Variants in SNX27 observed in about 807,000 individuals in gnomAD.
SNX27 encodes sorting nexin-27.
SNX27 carries 22 observed loss-of-function variants against 71.6 expected under a neutral mutation model. The ratio of observed to expected loss-of-function variants is 0.31; its 90% CI spans 0.22 to 0.44. SNX27 has a LOEUF of 0.44. Among genes scored for constraint, SNX27 ranks in the 20% least tolerant of loss-of-function variants. The pLI, the probability that SNX27 is intolerant of heterozygous loss-of-function variation, is 1.00. For missense variants in SNX27, 531 were observed against 698.6 expected, an observed-to-expected ratio of 0.76 and a Z score of 2.70; for synonymous variants, 269 against 277.2, an observed-to-expected ratio of 0.97 and a Z score of 0.29.
At chr1:151,666,690 G>A (rs1246289633) in intron 6 of SNX27, 1 of 152,160 alleles carries the variant, frequency 6.6e-6, no homozygotes, top group Non-Finnish European at 1.5e-5. Context: ...TGGTTGATTA[G>A]ACCTTCCTTA....
chr1:151,618,648 TCTTATGAC>T (rs1667537776), intron 1 of SNX27, among the ~76,000 whole-genome samples: 1 of 152,218 alleles, frequency 6.6e-6, no homozygotes. Flanking sequence ...TGGGAATAAT[TCTTATGAC>T]CTTGTAGATA....
chr1:151,691,053 T>C (rs1671418834), intron 8 of SNX27, among the ~76,000 whole-genome samples: 1 of 152,186 alleles, frequency 6.6e-6, no homozygotes. Context: ...GTCAGAGATT[T>C]ATTTTGTTTA....
At chr1:151,662,057 G>T in intron 4 of SNX27, 109 bp from the exon 5 acceptor site, 1 of 649,460 alleles carries the variant, frequency 1.5e-6, no homozygotes, top group South Asian at 2.0e-5. Flanking sequence ...GTTTTCATTG[G>T]AACTCACTTC....
chr1:151,641,699 TATATGATATATATAGC>T (rs1174975316), intron 2 of SNX27, among the ~76,000 whole-genome samples: 2 of 140,892 alleles, frequency 1.4e-5, no homozygotes, highest in Non-Finnish European at 3.0e-5. Flanking sequence ...ATATATCATA[TATATGATATATATAGC>T]ATATGATATA....
chr1:151,644,724 T>C (rs538276121), intron 2 of SNX27, among the ~76,000 whole-genome samples: 1 of 152,264 alleles, frequency 6.6e-6, no homozygotes, highest in African/African-American at 2.4e-5. Context: ...TGTACCATAG[T>C]TTTTACTCTT....
intron 8 of SNX27, among the ~76,000 whole-genome samples, chr1:151,687,259 T>C (rs1231920608): frequency 1.3e-5 from 2 of 152,180 alleles, no homozygotes; most frequent in Admixed American, 6.5e-5. Flanking sequence ...CTCTACATAA[T>C]TTGTATTGAT....
intron 8 of SNX27, among the ~76,000 whole-genome samples, chr1:151,691,174 T>A (rs1671423175): frequency 6.6e-6 from 1 of 152,056 alleles, no homozygotes; most frequent in Non-Finnish European, 1.5e-5. Context: ...TCCCAGCTAC[T>A]CAGGAGGCTG....
rs1381877965 is a variant in SNX27 at position 151,695,342 on chromosome 1, C to G, written c.*925C>G. The G allele has an allele frequency of 6.7e-6, 1 of 149,730 alleles. No homozygotes were observed. The highest frequency in any genetic ancestry group is 2.5e-5 in the African/African-American group (1 of 40,448). 9.3% of individuals were successfully genotyped at this position (149,730 alleles called of 1,614,324 possible). ...TGCTTTCCCTCAACCGACCCTGGCT[C>G]AGGAGGTTGATGCCATGGGAACCTG... On this transcript the variant is annotated 3_prime_UTR_variant, in exon 12 of 12. Coordinates refer to ENST00000458013, the MANE Select transcript of SNX27 (RefSeq NM_001330723.2).
At chr1:151,693,390 A>G in intron 10 of SNX27, 34 bp from the exon 11 acceptor site, 3 of 1,607,498 alleles carry the variant, frequency 1.9e-6, no homozygotes, top group Non-Finnish European at 2.6e-6. Flanking sequence ...CCTGCTCTTG[A>G]GAAGTTAGTG....
intron 1 of SNX27, among the ~76,000 whole-genome samples, chr1:151,625,906 C>A (rs1415108544): frequency 1.3e-5 from 2 of 151,860 alleles, no homozygotes; most frequent in African/African-American, 4.8e-5. Context: ...CGAGATCAGG[C>A]CACTGCATTC....
intron 1 of SNX27, among the ~76,000 whole-genome samples, chr1:151,623,718 T>G (rs566184367): frequency 3.9e-5 from 6 of 152,198 alleles, no homozygotes; most frequent in South Asian, 2.1e-4. Context: ...TTTCTAACAT[T>G]TATTGTCCTC....
At chr1:151,688,051 T>A (rs1362636100) in intron 8 of SNX27, among the ~76,000 whole-genome samples, 2 of 152,054 alleles carry the variant, frequency 1.3e-5, no homozygotes, top group Non-Finnish European at 2.9e-5. Context: ...GTACTATACC[T>A]GTCCAATTCT....
At position 151,612,650 on chromosome 1, in the gene SNX27, C is replaced by T. The variant is rs1036736185; in HGVS notation, c.311+138C>T. 19 of 648,850 alleles carry T rather than the reference C, an allele frequency of 2.9e-5. No homozygotes were observed. Among genetic ancestry groups the T allele is most frequent in the Non-Finnish European group, 3.8e-5 (17 of 444,542 alleles). 40.2% of individuals were successfully genotyped at this position (648,850 alleles called of 1,614,324 possible). ...TCCGGACCCCCGCCCCTCAGGCCTCCGCAGCCGGGCCCCTCCTTGTGGGCT... is the reference window on the plus strand; with the variant it reads ...TCCGGACCCCCGCCCCTCAGGCCTCTGCAGCCGGGCCCCTCCTTGTGGGCT... On this transcript the variant is annotated intron_variant, in intron 1 of 11. Transcript: ENST00000458013. The surrounding 1 kb of genome is among the most constrained non-coding windows in gnomAD (Gnocchi z 5.2).
At chr1:151,651,359 G>A (rs1481550695) in intron 2 of SNX27, among the ~76,000 whole-genome samples, 2 of 151,472 alleles carry the variant, frequency 1.3e-5, no homozygotes, top group African/African-American at 2.4e-5. Flanking sequence ...CCCGGATGGG[G>A]CGGCTGGCCT....
intron 4 of SNX27, among the ~76,000 whole-genome samples, chr1:151,661,954 A>G (rs548131265): frequency 5.9e-5 from 9 of 152,182 alleles, no homozygotes; most frequent in Non-Finnish European, 1.2e-4. Context: ...TGGCTTCAAC[A>G]TGTTTCTTTC....
At chr1:151,627,976 C>T (rs1571771417) in intron 1 of SNX27, among the ~76,000 whole-genome samples, 1 of 148,222 alleles carries the variant, frequency 6.7e-6, no homozygotes, top group East Asian at 2.0e-4. Flanking sequence ...GCAACATGGA[C>T]TTAAGGTTCC....
chr1:151,680,735 G>A (rs1159822039), intron 7 of SNX27, among the ~76,000 whole-genome samples: 49 of 152,182 alleles, frequency 3.2e-4, no homozygotes, highest in Non-Finnish European at 8.8e-5. Context: ...AAATAACACT[G>A]TAAGTTTCTT....
intron 1 of SNX27, among the ~76,000 whole-genome samples, chr1:151,637,018 TAAGA>T (rs932496543): frequency 6.6e-6 from 1 of 152,170 alleles, no homozygotes; most frequent in African/African-American, 2.4e-5. Flanking sequence ...AAAGCAAGGC[TAAGA>T]AAGGTTAAAA....
intron 1 of SNX27, among the ~76,000 whole-genome samples, chr1:151,625,781 G>T (rs1242280312): frequency 7.7e-6 from 1 of 129,320 alleles, no homozygotes; most frequent in East Asian, 2.3e-4. Flanking sequence ...AAGACTCTGT[G>T]TCCAAAAAAA....
Sources: gnomAD v4.1 joint callset for allele counts (sites outside exome capture counted in the v4.1 genomes callset) on GRCh38, gnomAD v4.1.1 for gene constraint, Gnocchi (gnomAD v3.1) non-coding constraint, MANE v1.5 for transcripts, NCBI Gene and HGNC (gene_info 2026-07-23, HGNC 2026-07-21) for gene names.